Variants in FAM193A observed in about 807,000 individuals in gnomAD.
FAM193A encodes protein FAM193A.
A neutral mutation model predicts 126.5 loss-of-function variants in FAM193A; 22 were observed. The ratio of observed to expected loss-of-function variants is 0.17; its 90% CI spans 0.12 to 0.25. FAM193A has a LOEUF of 0.25. Among genes scored for constraint, FAM193A ranks in the 10% least tolerant of loss-of-function variants. The pLI is 1.00. For missense variants in FAM193A, 1,675 were observed against 1,672.8 expected, an observed-to-expected ratio of 1.00 and a Z score of -0.02; for synonymous variants, 761 against 646.8, an observed-to-expected ratio of 1.18 and a Z score of -2.68.
intron 12 of FAM193A, among the ~76,000 whole-genome samples, chr4:2,670,111 C>T (rs1040419742): frequency 6.6e-6 from 1 of 152,100 alleles, no homozygotes; most frequent in Non-Finnish European, 1.5e-5. Flanking sequence ...GGCCTCTGAG[C>T]GTCTGCATAC....
chr4:2,705,035 C>G (rs1418485913), intron 19 of FAM193A, among the ~76,000 whole-genome samples: 1 of 152,204 alleles, frequency 6.6e-6, no homozygotes, highest in Admixed American at 6.5e-5. Flanking sequence ...CTTCAACCTC[C>G]TGAGTAGCTG....
intron 6 of FAM193A, among the ~76,000 whole-genome samples, chr4:2,646,159 C>CTT (rs568447182): frequency 5.4e-4 from 37 of 69,116 alleles, no homozygotes; most frequent in Middle Eastern, 0.012. Flanking sequence ...TGAGCATCTC[C>CTT]TTTTTTTTTT....
chr4:2,708,565 C>T (rs1020885972), intron 19 of FAM193A, among the ~76,000 whole-genome samples: 14 of 151,780 alleles, frequency 9.2e-5, no homozygotes, highest in African/African-American at 3.1e-4. Context: ...TGGGTTCAAG[C>T]GATTTTCCTG....
rs574814058 is a variant in FAM193A at position 2,640,930 on chromosome 4, A to G, written c.1163+1071A>G. ...CAGTGAGCCAAGAGTGCACCACTGC[A>G]CTCTAGCCTGGGTGATAGAGCGAGA... On this transcript the variant is annotated intron_variant, in intron 6 of 20. Coordinates refer to ENST00000637812, the MANE Select transcript of FAM193A (RefSeq NM_001366318.2). Among the ~76,000 whole-genome samples, 3 of 151,058 alleles carry G rather than the reference A, an allele frequency of 2.0e-5. No individual in the cohort carries two copies. In the East Asian group the frequency reaches 6.0e-4, roughly 30 times the overall value.
At chr4:2,666,302 G>T (rs951636032) in intron 12 of FAM193A, among the ~76,000 whole-genome samples, 12 of 152,248 alleles carry the variant, frequency 7.9e-5, no homozygotes, top group African/African-American at 2.9e-4. Context: ...TGTTACCGTG[G>T]TGTGTCACAT....
In FAM193A at chr4:2,700,029, C is replaced by T. The variant is rs1180006548; in HGVS notation, c.3857C>T (p.Pro1286Leu). ...SPSRHMNHSE[P>L]RPGLGADGDA... ...TCCAGGCATATGAACCACTCAGAGC[C>T]CAGGCCAGGGCTAGGGGCTGATGGG... is the stretch of plus-strand genomic sequence containing the variant. Residue 1286 changes from proline to leucine, a missense_variant, in exon 19 of 21, where the codon CCC (proline) becomes CTC (leucine). By Grantham distance (98) the Pro-to-Leu change is moderately conservative. Coordinates refer to ENST00000637812, the MANE Select transcript of FAM193A (RefSeq NM_001366318.2). 1 of 1,613,748 alleles carries T rather than the reference C, an allele frequency of 6.2e-7. No individual in the cohort carries two copies. The highest frequency in any genetic ancestry group is 2.2e-5 in the East Asian group (1 of 44,836).
intron 4 of FAM193A, among the ~76,000 whole-genome samples, chr4:2,628,884 G>A (rs1326125259): frequency 1.4e-5 from 2 of 143,634 alleles, no homozygotes; most frequent in South Asian, 2.2e-4. Flanking sequence ...ACGGAGTCTC[G>A]CTCTGTCACC....
chr4:2,721,808 G>GT (rs1156241515), intron 20 of FAM193A, among the ~76,000 whole-genome samples: 1 of 152,202 alleles, frequency 6.6e-6, no homozygotes, highest in Non-Finnish European at 1.5e-5. Context: ...CACGACTAGA[G>GT]GTTCTCCTGC....
intron 1 of FAM193A, among the ~76,000 whole-genome samples, chr4:2,577,411 G>GTTTTTTTTTTTTTTT (rs67407606): frequency 3.7e-4 from 38 of 101,866 alleles, no homozygotes; most frequent in Non-Finnish European, 6.0e-4. Flanking sequence ...AATTAAAGTG[G>GTTTTTTTTTTTTTTT]TTTTTTTTTT....
intron 2 of FAM193A, among the ~76,000 whole-genome samples, chr4:2,617,239 A>ATTTT (rs1370769214): frequency 2.2e-4 from 9 of 41,374 alleles, no homozygotes; most frequent in African/African-American, 8.8e-4. Flanking sequence ...GTATGTTTTT[A>ATTTT]TTATATATAT....
At chr4:2,699,298 C>T (rs1032242221) in intron 18 of FAM193A, among the ~76,000 whole-genome samples, 4 of 152,114 alleles carry the variant, frequency 2.6e-5, no homozygotes, top group African/African-American at 9.7e-5. Flanking sequence ...ATCATCCACT[C>T]GGCCAGGCGG....
chr4:2,692,490 A>T (rs188051356), intron 15 of FAM193A, among the ~76,000 whole-genome samples: 1 of 152,224 alleles, frequency 6.6e-6, no homozygotes, highest in Non-Finnish European at 1.5e-5. Context: ...CAGACTCTGG[A>T]GGAACCTAGC....
chr4:2,710,161 GTT>G lies in FAM193A; in HGVS notation c.4373-5848_4373-5847del, dbSNP rs796903801. On this transcript the variant is annotated intron_variant, in intron 19 of 20. Transcript: ENST00000637812. ...TATTTAGGTTTACTGTTCTTCTTTT[GTT>G]TTTTTTTTTTTTTCTTTTTTTTTTT... 8.8e-4 allele frequency among the ~76,000 whole-genome samples: 81 copies of G among 91,818 alleles called. No homozygotes were observed. In the East Asian group the frequency reaches 0.01, roughly 12 times the overall value. 60.2% of individuals were successfully genotyped at this position (91,818 alleles called of 152,430 possible).
At chr4:2,699,172 A>G (rs1227498933) in intron 18 of FAM193A, among the ~76,000 whole-genome samples, 1 of 152,128 alleles carries the variant, frequency 6.6e-6, no homozygotes, top group East Asian at 1.9e-4. Context: ...CACATTTCTT[A>G]CATTCCCTGT....
chr4:2,703,502 C>T (rs1039277688), intron 19 of FAM193A, among the ~76,000 whole-genome samples: 1 of 152,210 alleles, frequency 6.6e-6, no homozygotes, highest in Non-Finnish European at 1.5e-5. Flanking sequence ...CCACCTTGGC[C>T]TCCCAAAGTG....
At chr4:2,546,020 C>T (rs1018316158) in intron 1 of FAM193A, among the ~76,000 whole-genome samples, 2 of 151,992 alleles carry the variant, frequency 1.3e-5, no homozygotes, top group African/African-American at 2.4e-5. Flanking sequence ...TGGTAGCAGG[C>T]GCCTGTAATC....
At chr4:2,617,258 A>ATTTTT (rs1560484820) in intron 2 of FAM193A, among the ~76,000 whole-genome samples, 9 of 37,286 alleles carry the variant, frequency 2.4e-4, no homozygotes, top group African/African-American at 1.1e-3. Flanking sequence ...ATATATATAT[A>ATTTTT]TATATTTTTT....
At chr4:2,721,444 C>G (rs935378299) in intron 20 of FAM193A, among the ~76,000 whole-genome samples, 2 of 151,874 alleles carry the variant, frequency 1.3e-5, no homozygotes, top group Admixed American at 1.3e-4. Flanking sequence ...GCTATGCTTA[C>G]GCCACCTCAC....
At chr4:2,624,181 CTCTT>C (rs1438347001) in intron 2 of FAM193A, among the ~76,000 whole-genome samples, 1 of 151,694 alleles carries the variant, frequency 6.6e-6, no homozygotes, top group Non-Finnish European at 1.5e-5. Flanking sequence ...TGTTCTCTCT[CTCTT>C]TTTTTTTTTG....
Sources: gnomAD v4.1 joint callset for allele counts (sites outside exome capture counted in the v4.1 genomes callset) on GRCh38, gnomAD v4.1.1 for gene constraint, MANE v1.5 for transcripts, NCBI Gene and HGNC (gene_info 2026-07-23, HGNC 2026-07-21) for gene names.